Variants in PATJ observed in about 807,000 individuals in gnomAD.
The protein encoded by PATJ is PATJ crumbs cell polarity complex component, also known as inaD-like protein.
Under a neutral mutation model 224.9 loss-of-function variants are expected in PATJ, and 190 were observed. The ratio of observed to expected loss-of-function variants is 0.84; its 90% CI spans 0.75 to 0.95. PATJ has a LOEUF of 0.95. PATJ is among the 40% of genes least tolerant of loss of function. The pLI is 0.00. For synonymous variants in PATJ, 769 were observed against 820.3 expected (o/e 0.94, Z 1.07); for missense variants, 2,121 against 2,270.3 (o/e 0.93, Z 1.34).
At position 61,982,683 on chromosome 1, in the gene PATJ, G is replaced by A. The variant is rs553302894; in HGVS notation, c.3671-7485G>A. On this transcript the variant is annotated intron_variant, in intron 27 of 43. Coordinates refer to ENST00000642238, the MANE Select transcript of PATJ (RefSeq NM_001350145.3). Reference sequence around the variant, plus strand: ...GGAGAATTTTATACATGATTTGTTAGAGAAAAAAAATTGAACTATATGCTA... The same window carrying A: ...GGAGAATTTTATACATGATTTGTTAAAGAAAAAAAATTGAACTATATGCTA... 2.9e-4 allele frequency among the ~76,000 whole-genome samples: 40 copies of A among 137,218 alleles called. 1 individual carries two copies. Among genetic ancestry groups the A allele is most frequent in the African/African-American group, 1.2e-3 (40 of 34,662 alleles). 90.0% of individuals were successfully genotyped at this position (137,218 alleles called of 152,430 possible). A position where few individuals can be genotyped will look rare whatever the true frequency, so the allele number is the denominator to read the frequency against.
chr1:62,156,908 CCT>C (rs975992928), intron 43 of PATJ, among the ~76,000 whole-genome samples: 1 of 147,194 alleles, frequency 6.8e-6, no homozygotes, highest in African/African-American at 2.5e-5. Flanking sequence ...AGAATAAGTC[CCT>C]GTCAAAAAAA....
rs150160536 is a variant in PATJ, at chr1:61,868,317, C to T, written c.2835+3684C>T. Among the ~76,000 whole-genome samples, 186 of 152,326 alleles carry T rather than the reference C, an allele frequency of 1.2e-3. 1 individual carries two copies. Among genetic ancestry groups the T allele is most frequent in the African/African-American group, 4.3e-3 (178 of 41,568 alleles). ...ATAATCTGATCTTTCTCCTCTCTCT[C>T]TATCCCCTGCCAACCAAACACTATT... On this transcript the variant is annotated intron_variant, in intron 20 of 43. Coordinates refer to ENST00000642238, the MANE Select transcript of PATJ (RefSeq NM_001350145.3).
intron 1 of PATJ, among the ~76,000 whole-genome samples, chr1:61,756,441 T>C (rs1645642007): frequency 6.6e-6 from 1 of 151,996 alleles, no homozygotes; most frequent in African/African-American, 2.4e-5. Flanking sequence ...ACTGAATCAG[T>C]AACTCTGAGA....
At chr1:62,001,261 G>A (rs1426671050) in intron 28 of PATJ, among the ~76,000 whole-genome samples, 2 of 151,640 alleles carry the variant, frequency 1.3e-5, no homozygotes, top group African/African-American at 2.4e-5. Flanking sequence ...TGAAGTCCTC[G>A]CCCATGCCTA....
At chr1:61,917,760 A>C (rs555903478) in intron 26 of PATJ, among the ~76,000 whole-genome samples, 1 of 152,268 alleles carries the variant, frequency 6.6e-6, no homozygotes, top group East Asian at 1.9e-4. Flanking sequence ...TTGTATAAAA[A>C]AAGAAATTAT....
intron 15 of PATJ, among the ~76,000 whole-genome samples, chr1:61,827,187 TTA>T (rs1176620921): frequency 6.6e-6 from 1 of 152,172 alleles, no homozygotes; most frequent in Non-Finnish European, 1.5e-5. Flanking sequence ...ATTTTGTACT[TTA>T]TCCATCAATA....
At chr1:62,020,456 G>A (rs1291921061) in intron 29 of PATJ, among the ~76,000 whole-genome samples, 1 of 152,152 alleles carries the variant, frequency 6.6e-6, no homozygotes, top group African/African-American at 2.4e-5. Flanking sequence ...ATAATGTAAT[G>A]CAATTGTGTA....
rs573243035 is a variant in PATJ at position 61,937,593 on chromosome 1, A to G, written c.3670+9764A>G. Among the ~76,000 whole-genome samples, 3 of 152,076 alleles carry G rather than the reference A, an allele frequency of 2.0e-5. No homozygotes were observed. The South Asian group carries it at 6.2e-4, about 32-fold the overall frequency. On this transcript the variant is annotated intron_variant, in intron 27 of 43. Coordinates refer to ENST00000642238, the MANE Select transcript of PATJ (RefSeq NM_001350145.3). Reference sequence around the variant, plus strand: ...AGCACTTGATTGAAAATTGACTTAGAGATAAAATACTAGGCAGTTTTGGAA... The same window carrying G: ...AGCACTTGATTGAAAATTGACTTAGGGATAAAATACTAGGCAGTTTTGGAA...
chr1:61,886,930 A>G (rs972734630), intron 22 of PATJ, among the ~76,000 whole-genome samples: 3 of 150,658 alleles, frequency 2.0e-5, no homozygotes, highest in South Asian at 2.1e-4. Context: ...GCAATGAGCT[A>G]TAATTGTGCC....
intron 28 of PATJ, among the ~76,000 whole-genome samples, chr1:61,992,395 G>A (rs1645120365): frequency 6.6e-6 from 1 of 152,152 alleles, no homozygotes; most frequent in Non-Finnish European, 1.5e-5. Flanking sequence ...TGGGATTACA[G>A]GCGTGAGTCA....
chr1:62,074,337 C>A (rs2148703670), intron 31 of PATJ, among the ~76,000 whole-genome samples: 1 of 151,344 alleles, frequency 6.6e-6, no homozygotes, highest in East Asian at 1.9e-4. Flanking sequence ...TGCACATGTA[C>A]CCTAAAACTT....
At chr1:61,826,886 T>C (rs931915055) in intron 15 of PATJ, among the ~76,000 whole-genome samples, 2 of 152,240 alleles carry the variant, frequency 1.3e-5, no homozygotes, top group African/African-American at 4.8e-5. Flanking sequence ...GAAAGAATAT[T>C]GTGGACTGAC....
At chr1:61,812,024 G>A (rs1179124956) in intron 14 of PATJ, among the ~76,000 whole-genome samples, 1 of 151,498 alleles carries the variant, frequency 6.6e-6, no homozygotes, top group Non-Finnish European at 1.5e-5. Flanking sequence ...TCACGCCACT[G>A]CACTCCAGCC....
intron 10 of PATJ, 112 bp downstream of exon 10, chr1:61,795,670 A>T (rs933684736): frequency 2.1e-5 from 12 of 572,464 alleles, no homozygotes; most frequent in Non-Finnish European, 2.7e-5. Flanking sequence ...AAGGTTTTTT[A>T]AAAAATTAAG....
chr1:61,986,793 A>T (rs532592887), intron 27 of PATJ, among the ~76,000 whole-genome samples: 9 of 152,112 alleles, frequency 5.9e-5, no homozygotes, highest in African/African-American at 2.2e-4. Flanking sequence ...GTAGGTTTTA[A>T]TTTCACTGAA....
chr1:62,125,223 T>C (rs189030512), intron 39 of PATJ, among the ~76,000 whole-genome samples: 27 of 61,156 alleles, frequency 4.4e-4, no homozygotes, highest in African/African-American at 1.3e-3. Flanking sequence ...GGTGACAGAG[T>C]AAAACCCTGT....
At chr1:61,946,191 G>A (rs1436140966) in intron 27 of PATJ, among the ~76,000 whole-genome samples, 2 of 152,138 alleles carry the variant, frequency 1.3e-5, no homozygotes, top group Non-Finnish European at 2.9e-5. Context: ...TCAAAAGCTA[G>A]CAGAAGGCAA....
At chr1:61,850,950 G>C (rs993621110) in intron 17 of PATJ, among the ~76,000 whole-genome samples, 6 of 152,138 alleles carry the variant, frequency 3.9e-5, no homozygotes, top group Admixed American at 1.3e-4. Flanking sequence ...TGCTTTTGGT[G>C]TACTTGCCGT....
At chr1:61,969,804 G>C (rs745392364) in intron 27 of PATJ, among the ~76,000 whole-genome samples, 28 of 151,788 alleles carry the variant, frequency 1.8e-4, no homozygotes, top group Non-Finnish European at 3.4e-4. Context: ...AGTGATTCTC[G>C]TGCCTCAGCC....
Sources: gnomAD v4.1 joint callset for allele counts (sites outside exome capture counted in the v4.1 genomes callset) on GRCh38, gnomAD v4.1.1 for gene constraint, MANE v1.5 for transcripts, NCBI Gene and HGNC (gene_info 2026-07-23, HGNC 2026-07-21) for gene names.